The following ALPK2 variants were observed in gnomAD, a reference collection of about 807,000 sequenced individuals.
ALPK2 encodes alpha kinase 2, also known as alpha-protein kinase 2.
In ALPK2, 127 loss-of-function variants were observed where a neutral mutation model predicts 163.1. The observed-to-expected ratio is 0.78, with a 90% CI of 0.67 to 0.90. ALPK2 has a LOEUF of 0.90. ALPK2 is among the 40% of genes least tolerant of loss of function. The probability of loss-of-function intolerance (pLI) is 0.00; values close to 1 mark genes in which losing one functional copy is unlikely to be tolerated. For missense variants in ALPK2, 2,360 were observed against 2,589.6 expected (o/e 0.91, Z 1.92); for synonymous variants, 953 against 959.1 (o/e 0.99, Z 0.12).
At chr18:58,493,145 A>T (rs2051383589) in intron 12 of ALPK2, among the ~76,000 whole-genome samples, 1 of 152,140 alleles carries the variant, frequency 6.6e-6, no homozygotes, top group Admixed American at 6.5e-5. Context: ...TATCTGGGGC[A>T]TAAAATTGCC....
chr18:58,583,229 A>G (rs899945005), intron 3 of ALPK2, among the ~76,000 whole-genome samples: 3 of 152,120 alleles, frequency 2.0e-5, no homozygotes, highest in African/African-American at 7.2e-5. Flanking sequence ...GGAGTTGGGT[A>G]TCTTCCTGCT....
chr18:58,508,550 A>T (rs974696069), intron 10 of ALPK2, among the ~76,000 whole-genome samples: 5 of 152,244 alleles, frequency 3.3e-5, no homozygotes, highest in Non-Finnish European at 7.3e-5. Context: ...CAAGATGGCG[A>T]CAAGAATGAC....
intron 4 of ALPK2, among the ~76,000 whole-genome samples, chr18:58,562,578 G>A (rs1300807575): frequency 6.6e-6 from 1 of 152,218 alleles, no homozygotes; most frequent in Non-Finnish European, 1.5e-5. Flanking sequence ...CTACAGGGAT[G>A]CCCTTTAGTG....
chr18:58,536,825 C>T lies in ALPK2; in HGVS notation c.3362G>A (p.Ser1121Asn). The T allele has an allele frequency of 6.2e-7, 1 of 1,614,160 alleles. No individual in the cohort carries two copies. The highest frequency in any genetic ancestry group is 8.5e-7 in the Non-Finnish European group (1 of 1,180,028). The change falls in exon 5 of 13, where the codon AGC (serine) becomes AAC (asparagine). Residue 1121 changes from serine to asparagine, a missense_variant. By Grantham distance (46) the Ser-to-Asn change is conservative. Transcript: ENST00000361673. The part of the protein sequence containing the change: ...SQTVDRADFR[S>N]YEENFQERGS... ...TCTTTCTTGGAAATTCTCTTCATAG[C>T]TCCTAAAGTCTGCTCTGTCCACAGT...
Position 58,481,607 on chromosome 18 carries a change from C to T in ALPK2, c.*216G>A. On this transcript the variant is annotated 3_prime_UTR_variant, in exon 13 of 13. Coordinates refer to ENST00000361673, the MANE Select transcript of ALPK2 (RefSeq NM_052947.4). ...CTGTCTTTGAGACCAATCGTTGATT[C>T]AATCTCCCCATAAACCTGGTCGCAA... 2 of 579,968 alleles carry T rather than the reference C, an allele frequency of 3.4e-6. No homozygotes were observed. The highest frequency in any genetic ancestry group is 5.8e-5 in the East Asian group (2 of 34,530). 35.9% of individuals were successfully genotyped at this position (579,968 alleles called of 1,614,324 possible). A position where few individuals can be genotyped will look rare whatever the true frequency, so the allele number is the denominator to read the frequency against.
chr18:58,519,219 G>A (rs1294104532), intron 8 of ALPK2, among the ~76,000 whole-genome samples: 2 of 152,176 alleles, frequency 1.3e-5, no homozygotes, highest in Non-Finnish European at 1.5e-5. Context: ...GAAAAGCACA[G>A]TTTTATTTTA....
chr18:58,521,790 G>A (rs764610690), intron 8 of ALPK2, among the ~76,000 whole-genome samples: 4 of 151,642 alleles, frequency 2.6e-5, no homozygotes, highest in African/African-American at 7.3e-5. Context: ...ACCATGCCGC[G>A]CTAATTTTTG....
At chr18:58,502,158 A>C in intron 11 of ALPK2, among the ~76,000 whole-genome samples, 1 of 144,624 alleles carries the variant, frequency 6.9e-6, no homozygotes, top group Non-Finnish European at 1.5e-5. Flanking sequence ...ACACACACAC[A>C]CACACACACA....
At chr18:58,513,030 G>A (rs1349729631) in intron 10 of ALPK2, among the ~76,000 whole-genome samples, 1 of 139,638 alleles carries the variant, frequency 7.2e-6, no homozygotes, top group Non-Finnish European at 1.6e-5. Context: ...TGTGGTGTGT[G>A]GTTTGTGTGT....
chr18:58,551,453 C>G (rs2051759725), intron 4 of ALPK2, among the ~76,000 whole-genome samples: 1 of 152,164 alleles, frequency 6.6e-6, no homozygotes, highest in Non-Finnish European at 1.5e-5. Context: ...ATAAGGACAC[C>G]AGTCACTGGA....
chr18:58,513,465 G>A lies in ALPK2; in HGVS notation c.6029+1528C>T, dbSNP rs150422667. 5.9e-5 allele frequency among the ~76,000 whole-genome samples: 9 copies of A among 152,278 alleles called. No individual in the cohort carries two copies. The East Asian group carries it at 1.2e-3, about 20-fold the overall frequency. On this transcript the variant is annotated intron_variant, in intron 10 of 12. Transcript: ENST00000361673. ...GTCCTAACCTATCTTTAAGGCAGTG[G>A]CCTATTTACTGTGATGCTAATGCAG...
At chr18:58,501,431 A>T (rs1348455998) in intron 11 of ALPK2, among the ~76,000 whole-genome samples, 4 of 152,230 alleles carry the variant, frequency 2.6e-5, no homozygotes, top group Non-Finnish European at 5.9e-5. Flanking sequence ...CAAAGAGTGA[A>T]GTCTGACTTA....
intron 10 of ALPK2, chr18:58,512,372 T>G (rs1324790707): frequency 2.0e-5 from 3 of 152,222 alleles, no homozygotes; most frequent in African/African-American, 4.8e-5. Flanking sequence ...GCTGCCCAAA[T>G]GAGGAGTGTT....
chr18:58,502,673 C>G (rs1005793476), intron 11 of ALPK2, among the ~76,000 whole-genome samples: 6 of 152,200 alleles, frequency 3.9e-5, no homozygotes, highest in African/African-American at 1.4e-4. Context: ...AATAGGAAAC[C>G]CCTTGCAGCA....
chr18:58,533,158 C>T (rs542956541), intron 5 of ALPK2, among the ~76,000 whole-genome samples: 2 of 152,350 alleles, frequency 1.3e-5, no homozygotes, highest in East Asian at 1.9e-4. Context: ...GCGGCATGCT[C>T]GGTCTTTGCA....
intron 4 of ALPK2, among the ~76,000 whole-genome samples, chr18:58,577,458 G>A (rs1035063983): frequency 5.3e-5 from 8 of 152,220 alleles, no homozygotes; most frequent in Non-Finnish European, 7.3e-5. Context: ...GCACGGAAGA[G>A]CATTTTATGA....
intron 2 of ALPK2, among the ~76,000 whole-genome samples, chr18:58,609,812 G>A (rs1037310552): frequency 1.3e-5 from 2 of 152,168 alleles, no homozygotes; most frequent in Non-Finnish European, 2.9e-5. Context: ...TCTGGGCGAG[G>A]GGACCACAGC....
chr18:58,525,443 A>AG (rs2051579334), intron 6 of ALPK2, among the ~76,000 whole-genome samples: 1 of 152,132 alleles, frequency 6.6e-6, no homozygotes, highest in South Asian at 2.1e-4. Context: ...TGTCATTGAA[A>AG]GGGGAAGGCA....
intron 3 of ALPK2, among the ~76,000 whole-genome samples, chr18:58,604,233 A>G (rs559868302): frequency 6.6e-6 from 1 of 152,336 alleles, no homozygotes; most frequent in East Asian, 1.9e-4. Flanking sequence ...GAAGAAAAGT[A>G]CTTTTCTTTG....
Sources: allele counts gnomAD v4.1 joint callset (sites outside exome capture counted in the v4.1 genomes callset), GRCh38; gene constraint gnomAD v4.1.1; transcripts MANE v1.5; gene names NCBI Gene and HGNC (gene_info 2026-07-23, HGNC 2026-07-21).